Variants in AKR1B1 observed in about 807,000 individuals in gnomAD.
The protein encoded by AKR1B1 is aldo-keto reductase family 1 member B.
Under a neutral mutation model 40.4 loss-of-function variants are expected in AKR1B1, and 22 were observed. The observed-to-expected ratio is 0.54, with a 90% CI of 0.39 to 0.78. The LOEUF (loss-of-function observed/expected upper bound fraction) is 0.78. Among genes scored for constraint, AKR1B1 ranks in the 30% least tolerant of loss-of-function variants. The pLI is 0.00. For missense variants in AKR1B1, 357 were observed against 396.7 expected, an observed-to-expected ratio of 0.90 and a Z score of 0.85; for synonymous variants, 157 against 149.9, an observed-to-expected ratio of 1.05 and a Z score of -0.35.
chr7:134,447,826 C>T, intron 7 of AKR1B1, 154 bp downstream of exon 7: 1 of 752,208 alleles, frequency 1.3e-6, no homozygotes, highest in Non-Finnish European at 2.4e-6. Flanking sequence ...CTTCTAAAAC[C>T]CCGATCTGTG....
intron 1 of AKR1B1, among the ~76,000 whole-genome samples, chr7:134,452,900 G>A (rs983551899): frequency 6.6e-6 from 1 of 152,210 alleles, no homozygotes; most frequent in Admixed American, 6.5e-5. Flanking sequence ...CAGCGAGGCA[G>A]GGTGGGGATG....
chr7:134,449,824 A>G, intron 3 of AKR1B1, 27 bp from the exon 4 acceptor site: 2 of 1,594,378 alleles, frequency 1.3e-6, no homozygotes, highest in African/African-American at 2.7e-5. Flanking sequence ...AAACAAACAA[A>G]CAAAACAATC....
intron 1 of AKR1B1, among the ~76,000 whole-genome samples, chr7:134,456,634 G>C (rs1441848388): frequency 7.9e-5 from 12 of 152,064 alleles, no homozygotes. Context: ...CTCATCCACA[G>C]GAATACAAGT....
chr7:134,452,470 CT>C (rs1434182664), intron 1 of AKR1B1, among the ~76,000 whole-genome samples: 2 of 152,166 alleles, frequency 1.3e-5, no homozygotes, highest in African/African-American at 4.8e-5. Context: ...AGTGGCTGAC[CT>C]GGCAAAATGA....
chr7:134,447,777 G>T, intron 7 of AKR1B1: 1 of 674,206 alleles, frequency 1.5e-6, no homozygotes, highest in South Asian at 1.6e-5. Flanking sequence ...TTGCAGTAGT[G>T]GGGGCAGGCA....
Position 134,451,831 on chromosome 7 carries a change from T to C in AKR1B1, c.67-78A>G, listed in dbSNP as rs1806298550. On this transcript the variant is annotated intron_variant, in intron 1 of 9. Transcript: ENST00000285930. ...GAGGAGGGGCAGTGGCAGCCACCGATACCTGCTGACCAGCCTGCCACTTTG... is the reference window on the plus strand; with the variant it reads ...GAGGAGGGGCAGTGGCAGCCACCGACACCTGCTGACCAGCCTGCCACTTTG... The C allele has an allele frequency of 1.2e-5, 18 of 1,507,518 alleles. No individual in the cohort carries two copies. The South Asian group carries it at 2.1e-4, about 18-fold the overall frequency. The allele number at this position is 1,507,518 out of a possible 1,614,324, so 93.4% of individuals were successfully genotyped here. A position where few individuals can be genotyped will look rare whatever the true frequency, so the allele number is the denominator to read the frequency against.
At chr7:134,450,684 G>C (rs1806255581) in intron 3 of AKR1B1, 102 bp downstream of exon 3, 1 of 888,180 alleles carries the variant, frequency 1.1e-6, no homozygotes, top group African/African-American at 1.6e-5. Flanking sequence ...TGAGCAGCAA[G>C]AACAGAAAGT....
At position 134,451,043 on chromosome 7, in the gene AKR1B1, G is replaced by A. The variant is rs146403676; in HGVS notation, c.235-141C>T. ...ATGGTTGTGAGGGCATTTCCACTGC[G>A]TACTGGATCCTAACTTTCCAAAGGC... is the stretch of plus-strand genomic sequence containing the variant. On this transcript the variant is annotated intron_variant, in intron 2 of 9. Coordinates refer to ENST00000285930, the MANE Select transcript of AKR1B1 (RefSeq NM_001628.4). 1.5e-4 allele frequency: 107 copies of A among 737,080 alleles called. 1 individual carries two copies. The highest frequency in any genetic ancestry group is 1.2e-3 in the African/African-American group (68 of 57,958). The allele number at this position is 737,080 out of a possible 1,614,324, so 45.7% of individuals were successfully genotyped here.
At chr7:134,457,744 C>T (rs1412665879) in intron 1 of AKR1B1, among the ~76,000 whole-genome samples, 1 of 152,162 alleles carries the variant, frequency 6.6e-6, no homozygotes, top group Non-Finnish European at 1.5e-5. Context: ...CCAGATGGTT[C>T]ACACCTGTAG....
At chr7:134,456,488 C>T (rs1014665035) in intron 1 of AKR1B1, among the ~76,000 whole-genome samples, 3 of 151,760 alleles carry the variant, frequency 2.0e-5, no homozygotes, top group African/African-American at 7.3e-5. Context: ...TGTGAGCCAC[C>T]GCGCCCGGCC....
chr7:134,449,295 A>T, intron 4 of AKR1B1, 176 bp from the exon 5 acceptor site: 1 of 906,700 alleles, frequency 1.1e-6, no homozygotes. Context: ...TGAGATAAGA[A>T]GAGCAAACAG....
chr7:134,448,367 T>C lies in AKR1B1; in HGVS notation c.659+20A>G, dbSNP rs372007295. The C allele has an allele frequency of 4.5e-5, 71 of 1,581,578 alleles. 1 individual carries two copies. Among genetic ancestry groups the C allele is most frequent in the Non-Finnish European group, 6.0e-5 (69 of 1,150,974 alleles). ...ATCTTCACCAAGTGACACAGGAGCA[T>C]GAGCCTGTGGGAAGCTCACCAGGGC... On this transcript the variant is annotated intron_variant, in intron 6 of 9. Transcript: ENST00000285930.
At chr7:134,445,891 G>A (rs1249554087) in intron 8 of AKR1B1, among the ~76,000 whole-genome samples, 1 of 152,248 alleles carries the variant, frequency 6.6e-6, no homozygotes, top group Non-Finnish European at 1.5e-5. Flanking sequence ...CATGAAGGCA[G>A]CAGACGGTAC....
intron 7 of AKR1B1, chr7:134,447,668 C>A: frequency 1.6e-6 from 1 of 612,212 alleles, no homozygotes; most frequent in Non-Finnish European, 2.9e-6. Flanking sequence ...CACTACCACT[C>A]AGGAGAAAGA....
At chr7:134,459,142 C>A, upstream of AKR1B1, 1 of 1,514,020 alleles carries the variant, frequency 6.6e-7, no homozygotes, top group Non-Finnish European at 9.0e-7. Context: ...CCCGTGAGGT[C>A]GGCAGAAAGG....
intron 7 of AKR1B1, chr7:134,447,632 G>A: frequency 1.6e-6 from 1 of 625,812 alleles, no homozygotes; most frequent in South Asian, 1.9e-5. Flanking sequence ...GAGACCACAT[G>A]AGGCCCTCCA....
chr7:134,450,991 C>A, intron 2 of AKR1B1, 89 bp from the exon 3 acceptor site: 1 of 1,066,604 alleles, frequency 9.4e-7, no homozygotes, highest in Non-Finnish European at 1.4e-6. Context: ...CTCCCCAAAA[C>A]CCATTTGCTT....
rs1006881512 is a variant in AKR1B1, at chr7:134,447,728, A to G, written c.741+252T>C. The stretch of plus-strand genomic sequence containing the variant: ...CTTACATTTGTACAGATGAGGTTCC[A>G]CATGAATGAACAAGCGCTGGCCCTC... On this transcript the variant is annotated intron_variant, in intron 7 of 9. Coordinates refer to ENST00000285930, the MANE Select transcript of AKR1B1 (RefSeq NM_001628.4). 35 of 621,900 alleles carry G rather than the reference A, an allele frequency of 5.6e-5. No individual in the cohort carries two copies. The African/African-American group carries it at 5.9e-4, about 10-fold the overall frequency. The allele number at this position is 621,900 out of a possible 1,614,324, so 38.5% of individuals were successfully genotyped here.
chr7:134,448,454 G>C lies in AKR1B1; in HGVS notation c.592C>G (p.Gln198Glu). The C allele has an allele frequency of 6.2e-7, 1 of 1,614,022 alleles. No individual in the cohort carries two copies. The highest frequency in any genetic ancestry group is 8.5e-7 in the Non-Finnish European group (1 of 1,179,954). The change falls in exon 6 of 10, where the codon CAG becomes GAG. Residue 198 changes from glutamine (Q) to glutamate (E), a missense_variant. Gln to Glu is a conservative substitution (Grantham distance 29). Coordinates refer to ENST00000285930, the MANE Select transcript of AKR1B1 (RefSeq NM_001628.4). ...HPYLTQEKLIQYCQSKGIVVT... is the reference protein window; with the variant it reads ...HPYLTQEKLIEYCQSKGIVVT... ...ACGATGCCTTTGGACTGGCAGTACT[G>C]GATTAACTTCTCCTGAGTGAGATAT...
Sources: gnomAD v4.1 joint callset for allele counts (sites outside exome capture counted in the v4.1 genomes callset) on GRCh38, gnomAD v4.1.1 for gene constraint, MANE v1.5 for transcripts, NCBI Gene and HGNC (gene_info 2026-07-23, HGNC 2026-07-21) for gene names.